ADGRA3: variants seen among roughly 807,000 people sequenced by gnomAD.
ADGRA3 encodes the protein G-protein coupled receptor 125.
A neutral mutation model predicts 119.8 loss-of-function variants in ADGRA3; 56 were observed. The observed-to-expected ratio is 0.47, with a 90% CI of 0.38 to 0.58. ADGRA3 has a LOEUF of 0.58. Among genes scored for constraint, ADGRA3 ranks in the 20% least tolerant of loss-of-function variants. The pLI is 0.00. For missense variants in ADGRA3, 1,516 were observed against 1,649.0 expected (o/e 0.92, Z 1.40); for synonymous variants, 607 against 623.8 (o/e 0.97, Z 0.40).
At chr4:22,503,507 C>G (rs13113896) in intron 1 of ADGRA3, among the ~76,000 whole-genome samples, 67,633 of 152,052 alleles carry the variant, frequency 0.44, 16,198 homozygotes, top group East Asian at 0.6. Flanking sequence ...TATCTCCATA[C>G]TTGCTCTTTC....
chr4:22,433,661 T>C (rs1393812363), intron 10 of ADGRA3, among the ~76,000 whole-genome samples: 3 of 152,200 alleles, frequency 2.0e-5, no homozygotes, highest in African/African-American at 7.2e-5. Context: ...CATAAACATG[T>C]ATTCTTCGAT....
intron 4 of ADGRA3, among the ~76,000 whole-genome samples, chr4:22,450,329 T>C (rs1202346248): frequency 6.6e-6 from 1 of 151,024 alleles, no homozygotes; most frequent in East Asian, 2.0e-4. Flanking sequence ...GTGGATGGAG[T>C]ACAGTGGCTC....
rs1250505220 is a variant in ADGRA3, at chr4:22,442,572, A to G, written c.920+78T>C. On this transcript the variant is annotated intron_variant, in intron 7 of 18. Transcript: ENST00000334304. ...AAGATGAAATATTAATTCAAATTCC[A>G]CTAAACATTACACCTCCAAAAGGAT... 8.4e-6 allele frequency: 8 copies of G among 951,538 alleles called. No individual in the cohort carries two copies. In the Admixed American group the frequency reaches 1.8e-4, roughly 21 times the overall value. 58.9% of individuals were successfully genotyped at this position (951,538 alleles called of 1,614,324 possible). A position where few individuals can be genotyped will look rare whatever the true frequency, so the allele number is the denominator to read the frequency against.
At chr4:22,488,030 G>T (rs717674) in intron 1 of ADGRA3, among the ~76,000 whole-genome samples, 4,395 of 152,172 alleles carry the variant, frequency 0.029, 70 homozygotes, top group Middle Eastern at 0.068. Flanking sequence ...TAGTATAAAC[G>T]TAAGTGACAA....
At chr4:22,404,109 T>A (rs1490739401) in intron 14 of ADGRA3, among the ~76,000 whole-genome samples, 2 of 152,152 alleles carry the variant, frequency 1.3e-5, no homozygotes, top group Middle Eastern at 6.3e-3. Context: ...AAGAACCACA[T>A]CCCTTCACTA....
intron 2 of ADGRA3, among the ~76,000 whole-genome samples, chr4:22,471,814 A>G (rs1717866380): frequency 6.6e-6 from 1 of 152,198 alleles, no homozygotes; most frequent in Non-Finnish European, 1.5e-5. Flanking sequence ...GGGATTCGTG[A>G]ATAAACATAC....
At chr4:22,431,594 T>C (rs1169050092) in intron 10 of ADGRA3, among the ~76,000 whole-genome samples, 2 of 152,186 alleles carry the variant, frequency 1.3e-5, no homozygotes, top group African/African-American at 2.4e-5. Context: ...GCTCTCATTC[T>C]CTCTTTGCCT....
At chr4:22,473,485 C>T (rs2109120871) in intron 2 of ADGRA3, among the ~76,000 whole-genome samples, 1 of 152,310 alleles carries the variant, frequency 6.6e-6, no homozygotes, top group East Asian at 1.9e-4. Flanking sequence ...TTGTCTTATG[C>T]AATACTCATT....
At position 22,413,604 on chromosome 4, in the gene ADGRA3, T is replaced by C. The variant is rs368424948; in HGVS notation, c.2020A>G (p.Ile674Val). 6.2e-7 allele frequency: 1 copy of C among 1,613,182 alleles called. No individual in the cohort carries two copies. Among genetic ancestry groups the C allele is most frequent in the Non-Finnish European group, 8.5e-7 (1 of 1,179,226 alleles). The change falls in exon 13 of 19, where the codon ATA (isoleucine) becomes GTA (valine). Residue 674 changes from isoleucine to valine, a missense_variant. Around this residue, in one of 2 missense-constraint regions of ADGRA3, gnomAD observed 1,088 missense variants for 1,107.1 expected, o/e 0.98. Coordinates refer to ENST00000334304, the MANE Select transcript of ADGRA3 (RefSeq NM_145290.4). ...TVVTPVILTK[I>V]DGVNVDTHHI... The stretch of plus-strand genomic sequence containing the variant: ...ATAACATATGCCACATACAAACCTA[T>C]TTTGGTGAGAATCACAGGGGTAACC...
chr4:22,422,376 T>C (rs1225986017), intron 11 of ADGRA3, among the ~76,000 whole-genome samples: 1 of 152,166 alleles, frequency 6.6e-6, no homozygotes, highest in African/African-American at 2.4e-5. Flanking sequence ...AGAAAATAAT[T>C]AGTGGTTCCC....
chr4:22,421,767 C>T (rs550178163), intron 11 of ADGRA3, among the ~76,000 whole-genome samples: 5 of 150,804 alleles, frequency 3.3e-5, no homozygotes, highest in African/African-American at 9.8e-5. Flanking sequence ...GTAGTCCTAG[C>T]GACTCAGGAG....
intron 2 of ADGRA3, among the ~76,000 whole-genome samples, chr4:22,465,596 G>A (rs1337948843): frequency 6.6e-6 from 1 of 152,168 alleles, no homozygotes; most frequent in Non-Finnish European, 1.5e-5. Flanking sequence ...TAAATATAGT[G>A]AGTTGGTGTC....
At chr4:22,433,613 G>A (rs754368647) in intron 10 of ADGRA3, among the ~76,000 whole-genome samples, 1 of 152,092 alleles carries the variant, frequency 6.6e-6, no homozygotes. Flanking sequence ...TGGACACCAC[G>A]TTGCTCAAGT....
intron 1 of ADGRA3, among the ~76,000 whole-genome samples, chr4:22,513,798 C>T (rs1055022517): frequency 6.9e-6 from 1 of 145,420 alleles, no homozygotes; most frequent in African/African-American, 2.6e-5. Flanking sequence ...AGGTGTGAGC[C>T]CACCATGCCC....
chr4:22,413,131 A>C, intron 14 of ADGRA3, 51 bp downstream of exon 14: 1 of 1,365,336 alleles, frequency 7.3e-7, no homozygotes, highest in East Asian at 2.3e-5. Flanking sequence ...TTAATTATGC[A>C]TAGCAAAAAT....
chr4:22,431,259 T>C (rs1716158106), intron 10 of ADGRA3, among the ~76,000 whole-genome samples: 5 of 151,806 alleles, frequency 3.3e-5, no homozygotes, highest in Admixed American at 3.3e-4. Flanking sequence ...GCTTGCACTG[T>C]GTGCCTGGAA....
intron 9 of ADGRA3, among the ~76,000 whole-genome samples, chr4:22,435,908 T>C (rs1716373611): frequency 6.6e-6 from 1 of 152,180 alleles, no homozygotes; most frequent in Admixed American, 6.5e-5. Context: ...ATGTTTTACA[T>C]GTGTTTATCT....
chr4:22,476,533 T>C (rs1458376207), intron 1 of ADGRA3, among the ~76,000 whole-genome samples: 3 of 152,142 alleles, frequency 2.0e-5, no homozygotes, highest in Non-Finnish European at 4.4e-5. Context: ...ACATCAAAAC[T>C]GATATCCTTG....
chr4:22,490,857 T>C (rs1718596610), intron 1 of ADGRA3, among the ~76,000 whole-genome samples: 1 of 152,190 alleles, frequency 6.6e-6, no homozygotes, highest in African/African-American at 2.4e-5. Context: ...GCTGCATAAA[T>C]CCACACCTGT....
Sources: allele counts gnomAD v4.1 joint callset (sites outside exome capture counted in the v4.1 genomes callset), GRCh38; gene constraint gnomAD v4.1.1; regional missense constraint gnomAD v4.1.1; transcripts MANE v1.5; gene names NCBI Gene and HGNC (gene_info 2026-07-23, HGNC 2026-07-21).